The following LRRC4C variants were observed in gnomAD, a reference collection of about 807,000 sequenced individuals.
The protein encoded by LRRC4C is leucine-rich repeat-containing protein 4C.
Under a neutral mutation model 33.6 loss-of-function variants are expected in LRRC4C, and 5 were observed. The ratio of observed to expected loss-of-function variants is 0.15; its 90% CI spans 0.08 to 0.31. The LOEUF (loss-of-function observed/expected upper bound fraction) is 0.31, where lower values mean the gene tolerates loss of function less well. Ranked by LOEUF, LRRC4C falls within the 10% of genes least tolerant of loss-of-function variation. The pLI is 1.00. For missense variants in LRRC4C, 560 were observed against 796.7 expected (o/e 0.70, Z 3.58); for synonymous variants, 329 against 302.0 (o/e 1.09, Z -0.93).
At chr11:40,561,747 G>A (rs1292807271) in intron 3 of LRRC4C, among the ~76,000 whole-genome samples, 1 of 152,078 alleles carries the variant, frequency 6.6e-6, no homozygotes, top group Non-Finnish European at 1.5e-5. Flanking sequence ...CCTAAAGAAG[G>A]AGATTAGATA....
At chr11:40,608,517 T>A (rs1020495913) in intron 3 of LRRC4C, among the ~76,000 whole-genome samples, 4 of 151,596 alleles carry the variant, frequency 2.6e-5, no homozygotes, top group African/African-American at 9.7e-5. Flanking sequence ...ATTGAGAAAA[T>A]AACAATAGAA....
chr11:41,356,610 C>T (rs888413038), intron 1 of LRRC4C, among the ~76,000 whole-genome samples: 1 of 152,078 alleles, frequency 6.6e-6, no homozygotes, highest in Non-Finnish European at 1.5e-5. Context: ...CTTTAATCCT[C>T]CATCCTTCAA....
chr11:41,129,326 T>C (rs1942904741), intron 1 of LRRC4C, among the ~76,000 whole-genome samples: 1 of 151,996 alleles, frequency 6.6e-6, no homozygotes, highest in Non-Finnish European at 1.5e-5. Context: ...CCCCATATAT[T>C]GGTGGAAGTA....
At chr11:40,743,898 TTA>T (rs2136926876) in intron 2 of LRRC4C, among the ~76,000 whole-genome samples, 1 of 152,264 alleles carries the variant, frequency 6.6e-6, no homozygotes, top group East Asian at 1.9e-4. Flanking sequence ...TCTGGGTATA[TTA>T]TGTCTTCTAT....
At chr11:40,522,458 T>G (rs1955861063) in intron 3 of LRRC4C, among the ~76,000 whole-genome samples, 1 of 152,172 alleles carries the variant, frequency 6.6e-6, no homozygotes, top group Admixed American at 6.5e-5. Flanking sequence ...GGGAGATAAC[T>G]TAAATCGTGG....
Position 41,215,487 on chromosome 11 carries a change from C to CAA in LRRC4C, c.-496+243942_-496+243943dup, listed in dbSNP as rs764578889. On this transcript the variant is annotated intron_variant, in intron 1 of 6. Transcript: ENST00000528697. Reference sequence around the variant, plus strand: ...TGGGTGACAGAGTGCAATTCCATCTCAAAAAAAAAAAAAAAAAAAAAAATT... The same window carrying CAA: ...TGGGTGACAGAGTGCAATTCCATCTCAAAAAAAAAAAAAAAAAAAAAAAAATT... 9.8e-4 allele frequency among the ~76,000 whole-genome samples: 63 copies of CAA among 64,102 alleles called. 1 individual carries two copies. Among genetic ancestry groups the CAA allele is most frequent in the African/African-American group, 1.8e-3 (35 of 19,338 alleles). The allele number at this position is 64,102 out of a possible 152,430, so 42.1% of individuals were successfully genotyped here. A position where few individuals can be genotyped will look rare whatever the true frequency, so the allele number is the denominator to read the frequency against.
intron 1 of LRRC4C, among the ~76,000 whole-genome samples, chr11:41,247,981 G>A (rs1023461581): frequency 6.6e-6 from 1 of 152,060 alleles, no homozygotes; most frequent in African/African-American, 2.4e-5. Flanking sequence ...GAGACCCTGG[G>A]GGAGGCAGGG....
rs1043294201 is a variant in LRRC4C, at chr11:41,429,609, A to T, written c.-496+29822T>A. On this transcript the variant is annotated intron_variant, in intron 1 of 6. Transcript: ENST00000528697. Reference sequence around the variant, plus strand: ...ATGGCTGAGGATGTGAATGTGAAAAACCTGGCTTGTTACCTTGGTGCTTAA... The same window carrying T: ...ATGGCTGAGGATGTGAATGTGAAAATCCTGGCTTGTTACCTTGGTGCTTAA... Among the ~76,000 whole-genome samples, 80 of 152,090 alleles carry T rather than the reference A, an allele frequency of 5.3e-4. 1 individual carries two copies. Among genetic ancestry groups the T allele is most frequent in the Admixed American group, 2.1e-3 (32 of 15,256 alleles).
rs544020862 is a variant in LRRC4C at position 40,388,623 on chromosome 11, G to A, written c.-269-68902C>T. On this transcript the variant is annotated intron_variant, in intron 3 of 6. Transcript: ENST00000528697. ...GCATCATCGTGTGAGTAAGGAATGA[G>A]TCAAGGAACATCCAGATACCAAATT... Among the ~76,000 whole-genome samples the A allele has an allele frequency of 1.2e-4, 18 of 152,284 alleles. No homozygotes were observed. The South Asian group carries it at 3.5e-3, about 30-fold the overall frequency.
chr11:40,983,954 A>G (rs1219039337), intron 1 of LRRC4C, among the ~76,000 whole-genome samples: 1 of 152,126 alleles, frequency 6.6e-6, no homozygotes, highest in Non-Finnish European at 1.5e-5. Context: ...TTTAAATTTA[A>G]TTTTGTCATG....
chr11:40,248,396 T>C (rs1866510639), intron 4 of LRRC4C, among the ~76,000 whole-genome samples: 1 of 152,198 alleles, frequency 6.6e-6, no homozygotes, highest in South Asian at 2.1e-4. Context: ...TTGTGTGTTG[T>C]AGAATGTTTG....
At chr11:40,358,896 C>T (rs1947813286) in intron 3 of LRRC4C, among the ~76,000 whole-genome samples, 1 of 152,080 alleles carries the variant, frequency 6.6e-6, no homozygotes, top group Non-Finnish European at 1.5e-5. Context: ...AACAAATGCT[C>T]TCAAATGTGA....
intron 5 of LRRC4C, among the ~76,000 whole-genome samples, chr11:40,211,139 G>A (rs539644296): frequency 1.3e-5 from 2 of 152,224 alleles, no homozygotes; most frequent in South Asian, 4.1e-4. Flanking sequence ...CAAGTATCTT[G>A]CAGTACTTTA....
At chr11:40,752,535 A>T (rs1948742848) in intron 2 of LRRC4C, among the ~76,000 whole-genome samples, 1 of 152,020 alleles carries the variant, frequency 6.6e-6, no homozygotes. Context: ...GCAAATCAAA[A>T]CCACAATGAG....
intron 5 of LRRC4C, among the ~76,000 whole-genome samples, chr11:40,206,228 T>C (rs1480046521): frequency 6.6e-6 from 1 of 152,088 alleles, no homozygotes; most frequent in Non-Finnish European, 1.5e-5. Flanking sequence ...TGGATATTTA[T>C]TTCCATTTTT....
chr11:40,726,509 TATGATC>T (rs1947299615), intron 2 of LRRC4C, among the ~76,000 whole-genome samples: 2 of 152,014 alleles, frequency 1.3e-5, no homozygotes, highest in South Asian at 4.1e-4. Context: ...AGAAAAAACA[TATGATC>T]ATTTCAATAG....
intron 2 of LRRC4C, among the ~76,000 whole-genome samples, chr11:40,724,795 T>C (rs1223761459): frequency 6.6e-6 from 1 of 151,974 alleles, no homozygotes; most frequent in Non-Finnish European, 1.5e-5. Flanking sequence ...TGCAAAGAAC[T>C]AACAAAACAA....
At chr11:40,386,084 A>AATT (rs1309425240) in intron 3 of LRRC4C, among the ~76,000 whole-genome samples, 4 of 151,626 alleles carry the variant, frequency 2.6e-5, no homozygotes, top group Non-Finnish European at 5.9e-5. Flanking sequence ...TAATAAATTA[A>AATT]AAAACATTAA....
intron 3 of LRRC4C, among the ~76,000 whole-genome samples, chr11:40,407,287 C>A (rs1423019939): frequency 6.6e-6 from 1 of 152,086 alleles, no homozygotes; most frequent in Non-Finnish European, 1.5e-5. Context: ...GCTCCTCACA[C>A]ATGAGCCAAA....
Sources: allele counts gnomAD v4.1 joint callset (sites outside exome capture counted in the v4.1 genomes callset), GRCh38; gene constraint gnomAD v4.1.1; transcripts MANE v1.5; gene names NCBI Gene and HGNC (gene_info 2026-07-23, HGNC 2026-07-21).